CD72: variants seen among roughly 807,000 people sequenced by gnomAD.
CD72 encodes the protein CD72 molecule.
A neutral mutation model predicts 50.7 loss-of-function variants in CD72; 28 were observed. The ratio of observed to expected loss-of-function variants is 0.55; its 90% CI spans 0.41 to 0.76. The LOEUF (loss-of-function observed/expected upper bound fraction) is 0.76, where lower values mean the gene tolerates loss of function less well. CD72 is among the 30% of genes least tolerant of loss of function. The pLI, the probability that CD72 is intolerant of heterozygous loss-of-function variation, is 0.00. For synonymous variants in CD72, 176 were observed against 171.2 expected, an observed-to-expected ratio of 1.03 and a Z score of -0.22; for missense variants, 403 against 420.6, an observed-to-expected ratio of 0.96 and a Z score of 0.37.
intron 5 of CD72, among the ~76,000 whole-genome samples, 183 bp from the exon 6 acceptor site, chr9:35,613,176 T>G (rs1267123721): frequency 6.6e-6 from 1 of 152,208 alleles, no homozygotes; most frequent in East Asian, 1.9e-4. Context: ...GTAAAAAGAC[T>G]TTAACATTCA....
At chr9:35,633,241 CCTT>C (rs1823262269) in intron 1 of CD72, among the ~76,000 whole-genome samples, 1 of 151,408 alleles carries the variant, frequency 6.6e-6, no homozygotes, top group African/African-American at 2.4e-5. Flanking sequence ...TGTGCCTGGG[CCTT>C]CTTAGTATTT....
intron 7 of CD72, among the ~76,000 whole-genome samples, chr9:35,611,214 G>A (rs1244634098): frequency 6.6e-6 from 1 of 150,796 alleles, no homozygotes; most frequent in Non-Finnish European, 1.5e-5. Flanking sequence ...TTGCACCACT[G>A]CACTCCAGTC....
upstream of CD72, chr9:35,618,977 A>T: frequency 3.1e-6 from 1 of 325,024 alleles, no homozygotes; most frequent in South Asian, 2.4e-5. Context: ...CAGGTGAGCA[A>T]GGGAGTTGCA....
At chr9:35,641,598 G>C (rs1478452286) in intron 1 of CD72, among the ~76,000 whole-genome samples, 1 of 152,166 alleles carries the variant, frequency 6.6e-6, no homozygotes, top group East Asian at 1.9e-4. Context: ...TTGAGGAGAG[G>C]AAACTATGTC....
chr9:35,616,365 T>C lies in CD72; in HGVS notation c.353-87A>G. 10 of 1,029,636 alleles carry C rather than the reference T, an allele frequency of 9.7e-6. No individual in the cohort carries two copies. In the South Asian group the frequency reaches 1.2e-4, roughly 13 times the overall value. 63.8% of individuals were successfully genotyped at this position (1,029,636 alleles called of 1,614,324 possible). A position where few individuals can be genotyped will look rare whatever the true frequency, so the allele number is the denominator to read the frequency against. On this transcript the variant is annotated intron_variant, in intron 4 of 8. Transcript: ENST00000259633. ...GCAGCATCAGCCCTTTTTCTGCTTC[T>C]TGCAACTTTTTGCATCACAGGCTGA...
In CD72 at chr9:35,616,046, C is replaced by T. The variant is rs560994961; in HGVS notation, c.585G>A (p.Thr195=). The change falls in exon 5 of 9, where the codon ACG becomes ACA. Residue 195 remains threonine, a synonymous_variant. Coordinates refer to ENST00000259633, the MANE Select transcript of CD72 (RefSeq NM_001782.3). ...GCTCCTCACTTTGCAAGGTCTCCTT[C>T]GTCTTCTGTCTGTCTGCCTGGCAGG... is the stretch of plus-strand genomic sequence containing the variant. ...LQACQADRQK[T]KETLQSEEQQ... 3.1e-6 allele frequency: 5 copies of T among 1,614,042 alleles called. No homozygotes were observed. The Admixed American group carries it at 5.0e-5, about 16-fold the overall frequency.
intron 1 of CD72, among the ~76,000 whole-genome samples, chr9:35,638,961 T>C (rs1471797213): frequency 1.3e-5 from 2 of 151,848 alleles, no homozygotes; most frequent in African/African-American, 4.8e-5. Flanking sequence ...CCTGGCCCGC[T>C]TGGCAGCAAC....
chr9:35,631,762 C>G (rs1823248242), intron 1 of CD72, among the ~76,000 whole-genome samples: 2 of 152,194 alleles, frequency 1.3e-5, no homozygotes, highest in African/African-American at 2.4e-5. Flanking sequence ...TGGTGGTGGG[C>G]ACCTGTAATC....
chr9:35,619,397 A>G (rs929079351), upstream of CD72: 2 of 151,866 alleles, frequency 1.3e-5, no homozygotes, highest in African/African-American at 4.8e-5. Context: ...AGGAGCTAGA[A>G]CAAGATGTAG....
intron 1 of CD72, among the ~76,000 whole-genome samples, chr9:35,628,534 C>A (rs1823217079): frequency 6.6e-6 from 1 of 152,262 alleles, no homozygotes; most frequent in Non-Finnish European, 1.5e-5. Flanking sequence ...GTGATGCTCG[C>A]TGCTCGGCAG....
chr9:35,614,018 CAA>C (rs779396827), intron 5 of CD72, among the ~76,000 whole-genome samples: 21 of 94,628 alleles, frequency 2.2e-4, no homozygotes, highest in Admixed American at 2.3e-4. Context: ...GACTCCGCCT[CAA>C]AAAAAAAAAA....
At chr9:35,628,871 T>TTTTTTTG (rs1265825747) in intron 1 of CD72, among the ~76,000 whole-genome samples, 1 of 152,160 alleles carries the variant, frequency 6.6e-6, no homozygotes, top group Admixed American at 6.5e-5. Context: ...AAGTGGTATC[T>TTTTTTTG]TTTTTTGTTT....
chr9:35,631,914 A>G (rs982695691), intron 1 of CD72, among the ~76,000 whole-genome samples: 6 of 152,212 alleles, frequency 3.9e-5, no homozygotes, highest in Middle Eastern at 3.4e-3. Context: ...TAAATAAATA[A>G]AAATAAATAA....
At chr9:35,621,879 A>G (rs1413778002), upstream of CD72, among the ~76,000 whole-genome samples, 2 of 152,352 alleles carry the variant, frequency 1.3e-5, no homozygotes, top group Non-Finnish European at 1.5e-5. Flanking sequence ...TTCAGCATCC[A>G]GAAAGGAACC....
At chr9:35,633,642 C>T (rs990345253) in intron 1 of CD72, among the ~76,000 whole-genome samples, 5 of 152,122 alleles carry the variant, frequency 3.3e-5, no homozygotes, top group African/African-American at 4.8e-5. Context: ...ACAAAACCTT[C>T]CTATCTCTCC....
intron 1 of CD72, among the ~76,000 whole-genome samples, chr9:35,637,157 C>T (rs1823298195): frequency 6.6e-6 from 1 of 152,154 alleles, no homozygotes; most frequent in African/African-American, 2.4e-5. Context: ...AAGATCTACC[C>T]CCTGCCCGCA....
chr9:35,645,682 T>G (rs1823385797), intron 1 of CD72, among the ~76,000 whole-genome samples: 1 of 152,224 alleles, frequency 6.6e-6, no homozygotes. Context: ...ACCTACTATG[T>G]ACCCATAAAA....
intron 7 of CD72, 107 bp downstream of exon 7, chr9:35,611,696 AT>A (rs1429835210): frequency 1.5e-6 from 1 of 653,672 alleles, no homozygotes; most frequent in African/African-American, 1.8e-5. Flanking sequence ...TACAGTGTTG[AT>A]TTATGGGAGA....
intron 5 of CD72, among the ~76,000 whole-genome samples, chr9:35,613,849 C>A (rs1476715903): frequency 6.6e-6 from 1 of 151,886 alleles, no homozygotes; most frequent in Admixed American, 6.6e-5. Flanking sequence ...ACTAAAAATA[C>A]CAAAAAATAC....
Sources: allele counts gnomAD v4.1 joint callset (sites outside exome capture counted in the v4.1 genomes callset), GRCh38; gene constraint gnomAD v4.1.1; transcripts MANE v1.5; gene names NCBI Gene and HGNC (gene_info 2026-07-23, HGNC 2026-07-21).